GREB1L: variants seen among roughly 807,000 people sequenced by gnomAD.
The protein encoded by GREB1L is GREB1-like protein.
GREB1L carries 17 observed loss-of-function variants against 200.8 expected under a neutral mutation model. The ratio of observed to expected loss-of-function variants is 0.08; its 90% CI spans 0.06 to 0.13. GREB1L has a LOEUF of 0.13. Among genes scored for constraint, GREB1L ranks in the 10% least tolerant of loss-of-function variants. The pLI is 1.00. For synonymous variants in GREB1L, 789 were observed against 893.0 expected, an observed-to-expected ratio of 0.88 and a Z score of 2.08; for missense variants, 1,657 against 2,367.7, an observed-to-expected ratio of 0.70 and a Z score of 6.23.
intron 1 of GREB1L, among the ~76,000 whole-genome samples, chr18:21,249,070 A>T (rs1175941813): frequency 2.0e-5 from 3 of 152,266 alleles, no homozygotes; most frequent in Admixed American, 1.3e-4. Context: ...CATGTTATTA[A>T]AAATCAAGTT....
At chr18:21,487,894 C>A (rs1001447640) in intron 18 of GREB1L, among the ~76,000 whole-genome samples, 8 of 151,338 alleles carry the variant, frequency 5.3e-5, no homozygotes, top group Non-Finnish European at 1.0e-4. Context: ...ACCTGTAATC[C>A]CAGGTACTTG....
chr18:21,293,999 C>G (rs1160706508), intron 1 of GREB1L, among the ~76,000 whole-genome samples: 6 of 152,080 alleles, frequency 3.9e-5, no homozygotes, highest in Non-Finnish European at 5.9e-5. Context: ...CTAGGCTGGT[C>G]TTGAACTCCT....
chr18:21,383,067 T>C (rs1407139944), intron 2 of GREB1L, among the ~76,000 whole-genome samples: 1 of 152,128 alleles, frequency 6.6e-6, no homozygotes, highest in East Asian at 1.9e-4. Context: ...AGAGCCTTTT[T>C]CCCCCATCTA....
chr18:21,474,673 C>T (rs1457734834), intron 16 of GREB1L, among the ~76,000 whole-genome samples: 2 of 152,164 alleles, frequency 1.3e-5, no homozygotes, highest in East Asian at 3.9e-4. Flanking sequence ...CTAGGCTGCA[C>T]ACAGCACAGG....
At chr18:21,458,166 T>C (rs1232342047) in intron 15 of GREB1L, among the ~76,000 whole-genome samples, 1 of 152,054 alleles carries the variant, frequency 6.6e-6, no homozygotes, top group Non-Finnish European at 1.5e-5. Context: ...AGACAGGGTT[T>C]CTCCATGTCG....
At chr18:21,334,561 C>A (rs182689442) in intron 1 of GREB1L, among the ~76,000 whole-genome samples, 1 of 152,118 alleles carries the variant, frequency 6.6e-6, no homozygotes, top group Non-Finnish European at 1.5e-5. Flanking sequence ...GTCAGGAGAT[C>A]GAGACCATCC....
At chr18:21,491,729 T>G (rs1598920705) in intron 19 of GREB1L, among the ~76,000 whole-genome samples, 1 of 151,072 alleles carries the variant, frequency 6.6e-6, no homozygotes, top group East Asian at 2.0e-4. Flanking sequence ...AAAAAAAAAT[T>G]GTTCTGGAGA....
chr18:21,320,693 G>A (rs2038937745), intron 1 of GREB1L, among the ~76,000 whole-genome samples: 1 of 151,916 alleles, frequency 6.6e-6, no homozygotes, highest in Non-Finnish European at 1.5e-5. Context: ...ATGAACCCGG[G>A]AGGCGGAGCT....
In GREB1L at chr18:21,485,808, A is replaced by G. The variant is rs2036105962; in HGVS notation, c.2690+55A>G. ...CTCTCTAGCTGTACTTGCAGATCTAAAATAGCCAAAAGCCTTTTGTGTCAG... is the reference window on the plus strand; with the variant it reads ...CTCTCTAGCTGTACTTGCAGATCTAGAATAGCCAAAAGCCTTTTGTGTCAG... On this transcript the variant is annotated intron_variant, in intron 18 of 32. Transcript: ENST00000424526. 10 of 1,518,766 alleles carry G rather than the reference A, an allele frequency of 6.6e-6. 1 individual carries two copies. The South Asian group carries it at 1.2e-4, about 18-fold the overall frequency. The allele number at this position is 1,518,766 out of a possible 1,614,324, so 94.1% of individuals were successfully genotyped here. A position where few individuals can be genotyped will look rare whatever the true frequency, so the allele number is the denominator to read the frequency against.
At chr18:21,415,612 GA>G (rs761739254) in intron 7 of GREB1L, among the ~76,000 whole-genome samples, 1 of 151,926 alleles carries the variant, frequency 6.6e-6, no homozygotes, top group Non-Finnish European at 1.5e-5. Context: ...AAAGAGAAAG[GA>G]AGAACCACCC....
chr18:21,330,957 A>C lies in GREB1L; in HGVS notation c.-119-35070A>C, dbSNP rs577507422. Among the ~76,000 whole-genome samples, 9 of 152,342 alleles carry C rather than the reference A, an allele frequency of 5.9e-5. 1 individual carries two copies. The East Asian group carries it at 9.6e-4, about 16-fold the overall frequency. The stretch of plus-strand genomic sequence containing the variant: ...CTCTTTAATGGAAATGTCCATCTGC[A>C]TACAGTATAGGTTATAACACTTTCT... On this transcript the variant is annotated intron_variant, in intron 1 of 32. Coordinates refer to ENST00000424526, the MANE Select transcript of GREB1L (RefSeq NM_001142966.3).
In GREB1L at chr18:21,513,924, C is replaced by T. The variant is rs1239185967; in HGVS notation, c.4839C>T (p.Phe1613=). Residue 1613 remains phenylalanine (F), a synonymous_variant, in exon 28 of 33, where the codon TTC becomes TTT. Transcript: ENST00000424526. ...LGIKRQCVWP[F]IVMMDDSCVL... is the part of the protein sequence containing the mutation. ...TTAAACGCCAGTGTGTCTGGCCTTTCATCGTCATGATGGATGACTCATGTG... is the reference window on the plus strand; with the variant it reads ...TTAAACGCCAGTGTGTCTGGCCTTTTATCGTCATGATGGATGACTCATGTG... 3 of 1,551,496 alleles carry T rather than the reference C, an allele frequency of 1.9e-6. No individual in the cohort carries two copies. Among genetic ancestry groups the T allele is most frequent in the South Asian group, 1.2e-5 (1 of 84,064 alleles).
At chr18:21,310,226 T>C (rs1375988532) in intron 1 of GREB1L, among the ~76,000 whole-genome samples, 1 of 152,116 alleles carries the variant, frequency 6.6e-6, no homozygotes. Context: ...GGTTGGTAAC[T>C]GAGAGAAGAG....
chr18:21,463,736 C>G (rs1443412075), intron 15 of GREB1L, among the ~76,000 whole-genome samples: 1 of 152,144 alleles, frequency 6.6e-6, no homozygotes, highest in Admixed American at 6.5e-5. Context: ...TGCCACCACA[C>G]TTGGCTAATT....
chr18:21,346,829 T>G (rs1760740015), intron 1 of GREB1L, among the ~76,000 whole-genome samples: 2 of 152,196 alleles, frequency 1.3e-5, no homozygotes, highest in Admixed American at 1.3e-4. Context: ...CTCTCTCTCT[T>G]CTCTGCCCCC....
intron 7 of GREB1L, among the ~76,000 whole-genome samples, chr18:21,438,991 AAAAGAAAG>A: frequency 6.6e-6 from 1 of 151,162 alleles, no homozygotes; most frequent in Non-Finnish European, 1.5e-5. Flanking sequence ...AAAAGAAAAG[AAAAGAAAG>A]AAAGAAGCAC....
chr18:21,343,427 C>G (rs1393786305), intron 1 of GREB1L, among the ~76,000 whole-genome samples: 3 of 152,078 alleles, frequency 2.0e-5, no homozygotes, highest in African/African-American at 7.2e-5. Flanking sequence ...AACACAGAGC[C>G]CATGTATTAT....
intron 17 of GREB1L, among the ~76,000 whole-genome samples, chr18:21,479,351 G>A (rs1322130807): frequency 6.6e-6 from 1 of 152,130 alleles, no homozygotes; most frequent in Non-Finnish European, 1.5e-5. Flanking sequence ...CTCCTACCAT[G>A]AAATAGAGAA....
intron 5 of GREB1L, 65 bp downstream of exon 5, chr18:21,395,626 A>C: frequency 8.4e-7 from 1 of 1,194,352 alleles, no homozygotes; most frequent in Non-Finnish European, 1.2e-6. Context: ...ATTTATTTAA[A>C]ACTACTGCAG....
Sources: gnomAD v4.1 joint callset for allele counts (sites outside exome capture counted in the v4.1 genomes callset) on GRCh38, gnomAD v4.1.1 for gene constraint, MANE v1.5 for transcripts, NCBI Gene and HGNC (gene_info 2026-07-23, HGNC 2026-07-21) for gene names.